FNBP4: variants seen among roughly 807,000 people sequenced by gnomAD.
The protein encoded by FNBP4 is formin binding protein 4.
Under a neutral mutation model 119.3 loss-of-function variants are expected in FNBP4, and 34 were observed. The ratio of observed to expected loss-of-function variants is 0.28; its 90% confidence interval spans 0.22 to 0.38. The LOEUF is 0.38. Among genes scored for constraint, FNBP4 ranks in the 10% least tolerant of loss-of-function variants. FNBP4 has a pLI of 1.00. For synonymous variants in FNBP4, 462 were observed against 430.6 expected, an observed-to-expected ratio of 1.07 and a Z score of -0.90; for missense variants, 1,112 against 1,228.9, an observed-to-expected ratio of 0.90 and a Z score of 1.42.
chr11:47,762,026 C>T (rs1019164128), intron 2 of FNBP4, among the ~76,000 whole-genome samples: 3 of 151,468 alleles, frequency 2.0e-5, no homozygotes, highest in Non-Finnish European at 2.9e-5. Context: ...TTAGTAGAGA[C>T]GGGGTTTCTC....
chr11:47,731,743 G>A, intron 11 of FNBP4, 182 bp from the exon 12 acceptor site: 1 of 1,359,300 alleles, frequency 7.4e-7, no homozygotes, highest in Non-Finnish European at 9.4e-7. Flanking sequence ...ATAATTCAAA[G>A]CTATTTGCAC....
intron 12 of FNBP4, 31 bp from the exon 13 acceptor site, chr11:47,724,809 G>C: frequency 1.3e-6 from 2 of 1,518,710 alleles, no homozygotes; most frequent in Non-Finnish European, 1.8e-6. Flanking sequence ...CAGGGAAAAA[G>C]CAAGAAAAAA....
chr11:47,724,835 T>A, intron 12 of FNBP4, 57 bp from the exon 13 acceptor site: 2 of 1,512,764 alleles, frequency 1.3e-6, no homozygotes, highest in African/African-American at 2.8e-5. Context: ...CTGGCTTATA[T>A]TCATAGAAAT....
intron 2 of FNBP4, among the ~76,000 whole-genome samples, chr11:47,755,605 G>A (rs2097615503): frequency 6.7e-6 from 1 of 148,768 alleles, no homozygotes; most frequent in Non-Finnish European, 1.5e-5. Flanking sequence ...AAAACATAGT[G>A]AGACCTTGTC....
Position 47,765,373 on chromosome 11 carries a change from AAAAAAGAAAAG to A in FNBP4, c.221-22_221-12del. ...CCGCTTCCTGTTCATCTGGATTAAAAAAAAAGAAAAGAAAAGAAAAGAAAAGAAAAGAAAAG... is the reference window on the plus strand; with the variant it reads ...CCGCTTCCTGTTCATCTGGATTAAAAAAAAGAAAAGAAAAGAAAAGAAAAG... On this transcript the variant is annotated splice_polypyrimidine_tract_variant and intron_variant, in intron 1 of 16. Transcript: ENST00000263773. 6.7e-7 allele frequency: 1 copy of A among 1,482,254 alleles called. No individual in the cohort carries two copies. The highest frequency in any genetic ancestry group is 9.2e-7 in the Non-Finnish European group (1 of 1,088,684). The allele number at this position is 1,482,254 out of a possible 1,614,324, so 91.8% of individuals were successfully genotyped here.
At chr11:47,753,466 C>T (rs2097608638) in intron 3 of FNBP4, among the ~76,000 whole-genome samples, 2 of 152,064 alleles carry the variant, frequency 1.3e-5, no homozygotes, top group Non-Finnish European at 2.9e-5. Flanking sequence ...CAAAAATTAG[C>T]TGGATGTGGT....
intron 1 of FNBP4, among the ~76,000 whole-genome samples, chr11:47,766,050 T>A: frequency 6.6e-6 from 1 of 152,078 alleles, no homozygotes; most frequent in Non-Finnish European, 1.5e-5. Context: ...ATAAAAATTA[T>A]TAATACATCT....
chr11:47,723,073 A>G lies in FNBP4; in HGVS notation c.2708T>C (p.Ile903Thr), dbSNP rs950871426. 7 of 1,608,518 alleles carry G rather than the reference A, an allele frequency of 4.4e-6. No individual in the cohort carries two copies. The African/African-American group carries it at 6.7e-5, about 15-fold the overall frequency. The change falls in exon 15 of 17, where the codon ATA (isoleucine) becomes ACA (threonine). Residue 903 changes from isoleucine to threonine, a missense_variant. Ile to Thr is a moderately conservative substitution (Grantham distance 89, BLOSUM62 -1). Coordinates refer to ENST00000263773, the MANE Select transcript of FNBP4 (RefSeq NM_015308.5). Reference protein sequence around the residue: ...ARGAVPTATIIEPPPPPPPPP... With the variant: ...ARGAVPTATITEPPPPPPPPP... ...AGGAGGAGGTGGTGGTGGTGGTTCT[A>G]TAATGGTAGCGGTAGGCACAGCACC... is the stretch of plus-strand genomic sequence containing the variant.
intron 12 of FNBP4, 41 bp downstream of exon 12, chr11:47,731,333 A>C: frequency 6.5e-7 from 1 of 1,529,358 alleles, no homozygotes; most frequent in Non-Finnish European, 8.8e-7. Context: ...TTTTCCTCTA[A>C]AGTCATTTTG....
rs56659957 is a variant in FNBP4 at position 47,762,906 on chromosome 11, CAAAAA to C, written c.313+2359_313+2363del. ...GCCTGGGCAACAGAGACTCTGATTCCAAAAAAAAAAAAAAAAAAAAAGAGTCTCTC... is the reference window on the plus strand; with the variant it reads ...GCCTGGGCAACAGAGACTCTGATTCCAAAAAAAAAAAAAAAAGAGTCTCTC... On this transcript the variant is annotated intron_variant, in intron 2 of 16. Coordinates refer to ENST00000263773, the MANE Select transcript of FNBP4 (RefSeq NM_015308.5). 1.8e-3 allele frequency among the ~76,000 whole-genome samples: 180 copies of C among 100,660 alleles called. 1 individual carries two copies. The highest frequency in any genetic ancestry group is 4.1e-3 in the South Asian group (9 of 2,176). The allele number at this position is 100,660 out of a possible 152,430, so 66.0% of individuals were successfully genotyped here.
intron 9 of FNBP4, among the ~76,000 whole-genome samples, chr11:47,736,253 GA>G (rs11439747): frequency 1.3e-4 from 19 of 143,794 alleles, no homozygotes; most frequent in African/African-American, 3.9e-4. Flanking sequence ...GAAAAAAAAA[GA>G]AAAAAAAAAA....
intron 2 of FNBP4, among the ~76,000 whole-genome samples, chr11:47,757,207 G>A (rs2097620950): frequency 6.6e-6 from 1 of 152,084 alleles, no homozygotes; most frequent in African/African-American, 2.4e-5. Flanking sequence ...TCCAGCATAT[G>A]TAGGTAAGTT....
intron 11 of FNBP4, 140 bp from the exon 12 acceptor site, chr11:47,731,701 G>C: frequency 7.1e-7 from 1 of 1,408,710 alleles, no homozygotes; most frequent in Non-Finnish European, 9.2e-7. Flanking sequence ...AGGCAACAAA[G>C]AGCTTTGACA....
intron 8 of FNBP4, among the ~76,000 whole-genome samples, chr11:47,739,882 G>A (rs1340243848): frequency 2.6e-5 from 4 of 152,060 alleles, no homozygotes; most frequent in East Asian, 1.9e-4. Flanking sequence ...AGGTTCAAGC[G>A]ATTCTCCTGC....
chr11:47,759,421 C>T (rs1018491004), intron 2 of FNBP4, among the ~76,000 whole-genome samples: 1 of 151,654 alleles, frequency 6.6e-6, no homozygotes. Context: ...ACCATGTTGG[C>T]CAGGCTGCTC....
intron 12 of FNBP4, chr11:47,729,178 A>G (rs941944805): frequency 1.0e-6 from 1 of 985,352 alleles, no homozygotes; most frequent in South Asian, 4.7e-5. Context: ...TATGTATAGA[A>G]AGCCTTCCTT....
intron 7 of FNBP4, among the ~76,000 whole-genome samples, chr11:47,744,619 T>G (rs1393180368): frequency 6.6e-6 from 1 of 152,168 alleles, no homozygotes; most frequent in East Asian, 1.9e-4. Context: ...ACATAGTAAG[T>G]GTATATATTT....
chr11:47,750,544 C>T (rs1307961899), intron 6 of FNBP4, among the ~76,000 whole-genome samples: 1 of 150,690 alleles, frequency 6.6e-6, no homozygotes, highest in Non-Finnish European at 1.5e-5. Context: ...AAAAAATAAG[C>T]CAGGTGTGGT....
chr11:47,765,418 A>AGAAAC, intron 1 of FNBP4, 56 bp from the exon 2 acceptor site: 4 of 1,311,664 alleles, frequency 3.0e-6, no homozygotes, highest in Non-Finnish European at 3.2e-6. Context: ...AGAAAAGAAA[A>AGAAAC]CTGCAGTCAG....
Sources: gnomAD v4.1 joint callset for allele counts (sites outside exome capture counted in the v4.1 genomes callset) on GRCh38, gnomAD v4.1.1 for gene constraint, MANE v1.5 for transcripts, NCBI Gene and HGNC (gene_info 2026-07-23, HGNC 2026-07-21) for gene names.